The following TOPBP1 variants were observed in gnomAD, a reference collection of about 807,000 sequenced individuals.
TOPBP1 encodes the protein DNA topoisomerase II binding protein 1.
A neutral mutation model predicts 167.7 loss-of-function variants in TOPBP1; 28 were observed. The ratio of observed to expected loss-of-function variants is 0.17; its 90% CI spans 0.12 to 0.23. The LOEUF is 0.23. Ranked by LOEUF, TOPBP1 falls within the 10% of genes least tolerant of loss-of-function variation. The pLI is 1.00. For synonymous variants in TOPBP1, 598 were observed against 611.4 expected, an observed-to-expected ratio of 0.98 and a Z score of 0.32; for missense variants, 1,554 against 1,809.6, an observed-to-expected ratio of 0.86 and a Z score of 2.56.
At chr3:133,613,983 G>C (rs1934773760) in intron 23 of TOPBP1, among the ~76,000 whole-genome samples, 2 of 152,024 alleles carry the variant, frequency 1.3e-5, no homozygotes, top group East Asian at 1.9e-4. Flanking sequence ...AGTAGAGACG[G>C]GGTTTCACCA....
intron 10 of TOPBP1, among the ~76,000 whole-genome samples, chr3:133,648,560 G>A (rs533451051): frequency 2.0e-5 from 3 of 152,356 alleles, no homozygotes; most frequent in South Asian, 2.1e-4. Flanking sequence ...CACTTTGGGA[G>A]GCCAAGGCGG....
At chr3:133,640,234 A>C (rs1334795629) in intron 12 of TOPBP1, 64 bp from the exon 13 acceptor site, 50 of 1,370,388 alleles carry the variant, frequency 3.6e-5, no homozygotes, top group Admixed American at 1.4e-4. Context: ...AAACTAACAA[A>C]ATTTCCAACA....
chr3:133,606,549 T>C (rs953671571), intron 27 of TOPBP1, among the ~76,000 whole-genome samples: 1 of 148,620 alleles, frequency 6.7e-6, no homozygotes, highest in Admixed American at 6.8e-5. Flanking sequence ...AAAGTCCATA[T>C]GGAAATGCAA....
At chr3:133,632,665 T>C (rs1180939033) in intron 14 of TOPBP1, among the ~76,000 whole-genome samples, 2 of 152,236 alleles carry the variant, frequency 1.3e-5, no homozygotes, top group Non-Finnish European at 2.9e-5. Flanking sequence ...TTCCTCTACT[T>C]AAGAAGTAGA....
chr3:133,633,027 G>A (rs1284776482), intron 14 of TOPBP1, among the ~76,000 whole-genome samples: 1 of 152,092 alleles, frequency 6.6e-6, no homozygotes, highest in Admixed American at 6.5e-5. Context: ...CCCGTCTTGG[G>A]CTCCCAAAGT....
At chr3:133,620,019 G>T in intron 20 of TOPBP1, 136 bp downstream of exon 20, 1 of 880,924 alleles carries the variant, frequency 1.1e-6, no homozygotes, top group Non-Finnish European at 1.7e-6. Context: ...TTAAATTTCA[G>T]CTTTTACTGC....
At position 133,644,218 on chromosome 3, in the gene TOPBP1, T is replaced by C; in HGVS notation, c.1650A>G (p.Glu550=). 2 of 1,613,916 alleles carry C rather than the reference T, an allele frequency of 1.2e-6. No individual in the cohort carries two copies. Among genetic ancestry groups the C allele is most frequent in the South Asian group, 2.2e-5 (2 of 91,068 alleles). The change falls in exon 11 of 28, where the codon GAA becomes GAG. Residue 550 remains glutamate, a synonymous_variant. Coordinates refer to ENST00000260810, the MANE Select transcript of TOPBP1 (RefSeq NM_007027.4). ...CVPDVSTITE[E]GLFSQKSFLV... ...GGAAACTCTTTTGGCTAAATAAGCCTTCTTCAGTAATTGTAGAAACATCAG... is the reference window on the plus strand; with the variant it reads ...GGAAACTCTTTTGGCTAAATAAGCCCTCTTCAGTAATTGTAGAAACATCAG...
At chr3:133,607,063 C>T (rs1435858327) in intron 27 of TOPBP1, among the ~76,000 whole-genome samples, 11 of 152,114 alleles carry the variant, frequency 7.2e-5, no homozygotes, top group African/African-American at 2.4e-4. Flanking sequence ...AAACCTACCG[C>T]ATGGCTAAAA....
chr3:133,649,565 G>A lies in TOPBP1; in HGVS notation c.1322C>T (p.Pro441Leu), dbSNP rs747302028. 1.2e-6 allele frequency: 2 copies of A among 1,613,756 alleles called. No individual in the cohort carries two copies. The highest frequency in any genetic ancestry group is 2.2e-5 in the East Asian group (1 of 44,856). ...TGGCTGGTAATTAGCATGGATATAT[G>A]GTTCTTCAGAAAGCATATAACCTTT... ...FSKGYMLSEE[P>L]YIHANYQPVE... Residue 441 changes from proline to leucine, a missense_variant, in exon 10 of 28, where the codon CCA becomes CTA. Coordinates refer to ENST00000260810, the MANE Select transcript of TOPBP1 (RefSeq NM_007027.4).
At chr3:133,606,326 G>A (rs1355503536) in intron 27 of TOPBP1, among the ~76,000 whole-genome samples, 3 of 151,310 alleles carry the variant, frequency 2.0e-5, no homozygotes, top group Non-Finnish European at 4.4e-5. Context: ...CAAAAGATAG[G>A]TAAGTTCCCT....
chr3:133,641,853 T>C (rs1379169557), intron 12 of TOPBP1, among the ~76,000 whole-genome samples: 1 of 152,194 alleles, frequency 6.6e-6, no homozygotes, highest in Non-Finnish European at 1.5e-5. Context: ...AAAAGAAATA[T>C]ACAGCTATAC....
intron 27 of TOPBP1, 105 bp downstream of exon 27, chr3:133,608,430 A>G: frequency 8.0e-7 from 1 of 1,256,518 alleles, no homozygotes; most frequent in South Asian, 1.5e-5. Flanking sequence ...ACAGGAGACT[A>G]ATCTTCTACT....
chr3:133,613,930 T>G (rs970240772), intron 23 of TOPBP1, among the ~76,000 whole-genome samples: 3 of 151,818 alleles, frequency 2.0e-5, no homozygotes, highest in African/African-American at 7.3e-5. Flanking sequence ...GTAGCTGGGA[T>G]TACAGGTGCC....
chr3:133,611,232 A>T, intron 24 of TOPBP1, 91 bp from the exon 25 acceptor site: 1 of 1,196,940 alleles, frequency 8.4e-7, no homozygotes, highest in Non-Finnish European at 1.1e-6. Context: ...AAAGTCTAAT[A>T]ACTGTTAAAG....
intron 14 of TOPBP1, among the ~76,000 whole-genome samples, chr3:133,637,173 A>G (rs1935704211): frequency 6.6e-6 from 1 of 152,230 alleles, no homozygotes; most frequent in African/African-American, 2.4e-5. Context: ...TGAGTAAAAT[A>G]ATTCTTCAAA....
At position 133,601,128 on chromosome 3, in the gene TOPBP1, T is replaced by C. The variant is rs919490543; in HGVS notation, c.*122A>G. On this transcript the variant is annotated 3_prime_UTR_variant, in exon 28 of 28. Transcript: ENST00000260810. ...CAAAACTCAAGAAGGGTCATCATTATACTCTGAAGCAGAATTCTTCAGGTA... is the reference window on the plus strand; with the variant it reads ...CAAAACTCAAGAAGGGTCATCATTACACTCTGAAGCAGAATTCTTCAGGTA... 1.1e-5 allele frequency: 9 copies of C among 784,892 alleles called. No homozygotes were observed. The highest frequency in any genetic ancestry group is 3.0e-5 in the East Asian group (1 of 33,456). The allele number at this position is 784,892 out of a possible 1,614,324, so 48.6% of individuals were successfully genotyped here.
Position 133,601,089 on chromosome 3 carries a change from C to T in TOPBP1, c.*161G>A, listed in dbSNP as rs1475598042. The T allele has an allele frequency of 1.9e-6, 1 of 519,838 alleles. No homozygotes were observed. Among genetic ancestry groups the T allele is most frequent in the South Asian group, 3.1e-5 (1 of 32,136 alleles). The allele number at this position is 519,838 out of a possible 1,614,324, so 32.2% of individuals were successfully genotyped here. On this transcript the variant is annotated 3_prime_UTR_variant, in exon 28 of 28. Transcript: ENST00000260810. ...GAAACAGTTAATATTTCAGTGATTA[C>T]AATTTCAGGTGTTCAAAACTCAAGA...
rs779476003 is a variant in TOPBP1, at chr3:133,637,885, A to C, written c.2511T>G (p.Phe837Leu). 1 of 1,613,690 alleles carries C rather than the reference A, an allele frequency of 6.2e-7. No individual in the cohort carries two copies. The highest frequency in any genetic ancestry group is 8.5e-7 in the Non-Finnish European group (1 of 1,179,688). ...LSKDKLFKPS[F>L]DVKDALAALE... ...TGCCTATAAACCTTACCTTCACATC[A>C]AAGGAAGGCTTGAAGAGTTTGTCCT... Residue 837 changes from phenylalanine to leucine, a missense_variant, in exon 14 of 28, where the codon TTT (phenylalanine) becomes TTG (leucine). Phe to Leu is a conservative substitution (Grantham distance 22). Coordinates refer to ENST00000260810, the MANE Select transcript of TOPBP1 (RefSeq NM_007027.4).
chr3:133,631,655 T>C (rs1028330032), intron 14 of TOPBP1, among the ~76,000 whole-genome samples: 3 of 152,188 alleles, frequency 2.0e-5, no homozygotes, highest in Admixed American at 1.3e-4. Context: ...GTTCTCATGA[T>C]ATCTGGTTTG....
Sources: gnomAD v4.1 joint callset for allele counts (sites outside exome capture counted in the v4.1 genomes callset) on GRCh38, gnomAD v4.1.1 for gene constraint, MANE v1.5 for transcripts, NCBI Gene and HGNC (gene_info 2026-07-23, HGNC 2026-07-21) for gene names.